DOK4: variants seen among roughly 807,000 people sequenced by gnomAD.
DOK4 encodes downstream of tyrosine kinase 4.
Under a neutral mutation model 40.1 loss-of-function variants are expected in DOK4, and 26 were observed. The observed-to-expected ratio is 0.65, with a 90% CI of 0.48 to 0.90. The LOEUF is 0.90. DOK4 is among the 40% of genes least tolerant of loss of function. The pLI is 0.00. For synonymous variants in DOK4, 179 were observed against 177.0 expected (o/e 1.01, Z -0.09); for missense variants, 392 against 437.2 (o/e 0.90, Z 0.92).
At chr16:57,483,219 G>T (rs536139804) in intron 1 of DOK4, among the ~76,000 whole-genome samples, 2 of 152,344 alleles carry the variant, frequency 1.3e-5, no homozygotes, top group South Asian at 2.1e-4. Flanking sequence ...AGGCAGTGGG[G>T]TCAAGTGGTG....
chr16:57,476,702 G>C (rs1262716648), intron 2 of DOK4, among the ~76,000 whole-genome samples: 27 of 152,336 alleles, frequency 1.8e-4, no homozygotes, highest in Non-Finnish European at 2.9e-4. Flanking sequence ...TTGAGGTAAA[G>C]GGGTGGAGCT....
At chr16:57,476,243 G>C in intron 2 of DOK4, 1 of 430,398 alleles carries the variant, frequency 2.3e-6, no homozygotes, top group Non-Finnish European at 4.3e-6. Context: ...GCTGAGTTTA[G>C]TGTGAGTAGC....
rs576366979 is a variant in DOK4, at chr16:57,473,895, C to A, written c.738+6G>T. The A allele has an allele frequency of 4.2e-5, 57 of 1,370,578 alleles. 1 individual carries two copies. In the South Asian group the frequency reaches 5.1e-4, roughly 12 times the overall value. The allele number at this position is 1,370,578 out of a possible 1,614,324, so 84.9% of individuals were successfully genotyped here. On this transcript the variant is annotated splice_donor_region_variant and intron_variant, in intron 7 of 8. Transcript: ENST00000340099. Reference sequence around the variant, plus strand: ...CCGTACCCTGGACTGATGCCCGCTGCCTCACCCTCACGTTCTTCTCCATTT... The same window carrying A: ...CCGTACCCTGGACTGATGCCCGCTGACTCACCCTCACGTTCTTCTCCATTT...
intron 6 of DOK4, among the ~76,000 whole-genome samples, chr16:57,474,444 T>TA (rs148579026): frequency 0.15 from 22,779 of 152,224 alleles, 2,231 homozygotes; most frequent in South Asian, 0.2. Flanking sequence ...AGTGAGGGGA[T>TA]ACCCAGTCTT....
intron 1 of DOK4, among the ~76,000 whole-genome samples, chr16:57,483,320 C>T (rs111355249): frequency 2.0e-5 from 3 of 152,224 alleles, no homozygotes; most frequent in African/African-American, 7.2e-5. Flanking sequence ...CCTGTGAAGG[C>T]CCAATAGGAC....
In DOK4 at chr16:57,485,538, G is replaced by A. The variant is rs922184943; in HGVS notation, c.-182+767C>T. Among the ~76,000 whole-genome samples, 9 of 152,164 alleles carry A rather than the reference G, an allele frequency of 5.9e-5. No individual in the cohort carries two copies. Among genetic ancestry groups the A allele is most frequent in the Non-Finnish European group, 1.3e-4 (9 of 68,032 alleles). ...TAGAGATACTGCCAGGCCCCTCGCT[G>A]CCCTGGCCATCAGACCCCTCCAACC... On this transcript the variant is annotated intron_variant, in intron 1 of 8. Transcript: ENST00000340099. The surrounding 1 kb of genome is among the most constrained non-coding windows in gnomAD (Gnocchi z 4.3).
At chr16:57,474,759 A>G in intron 6 of DOK4, 34 bp downstream of exon 6, 1 of 1,606,438 alleles carries the variant, frequency 6.2e-7, no homozygotes, top group East Asian at 2.2e-5. Flanking sequence ...ATCACACCAT[A>G]GTAGGACAGG....
At chr16:57,474,918 C>A (rs756980110) in exon 6 of DOK4, 1 of 1,614,068 alleles carries the variant, frequency 6.2e-7, no homozygotes, top group Non-Finnish European at 8.5e-7. Context: ...CGTGGGTGAT[C>A]TGCAGCTTGC....
chr16:57,477,007 T>C (rs1375307953), intron 2 of DOK4, among the ~76,000 whole-genome samples: 1 of 152,204 alleles, frequency 6.6e-6, no homozygotes, highest in Non-Finnish European at 1.5e-5. Context: ...TACCTACTCC[T>C]TCCAGCGGGC....
At chr16:57,476,502 G>A (rs74019522) in intron 2 of DOK4, among the ~76,000 whole-genome samples, 2,987 of 152,242 alleles carry the variant, frequency 0.02, 108 homozygotes, top group African/African-American at 0.069. Context: ...GTCTCCTGGG[G>A]ATAGGGATTA....
rs2031519987 is a variant in DOK4 at position 57,485,617 on chromosome 16, T to C, written c.-182+688A>G. On this transcript the variant is annotated intron_variant, in intron 1 of 8. Transcript: ENST00000340099. The surrounding 1 kb of genome is among the most constrained non-coding windows in gnomAD (Gnocchi z 4.3). The stretch of plus-strand genomic sequence containing the variant: ...CAGCAACTGACGTGTCCCCATGGCT[T>C]GGGGCAGGCAGGCTGCACAGAGCCC... Among the ~76,000 whole-genome samples, 3 of 152,182 alleles carry C rather than the reference T, an allele frequency of 2.0e-5. No individual in the cohort carries two copies. The highest frequency in any genetic ancestry group is 7.2e-5 in the African/African-American group (3 of 41,456).
chr16:57,473,996 C>T lies in DOK4; in HGVS notation c.643G>A (p.Glu215Lys), dbSNP rs747777852. The stretch of plus-strand genomic sequence containing the variant: ...ACGCGCTGGTAAATCTGCTCCCCCT[C>T]TTGTGTCTGGAAGGTATAGAGTCCT... The change falls in exon 7 of 9, where the codon GAG (glutamate) becomes AAG (lysine). Residue 215 changes from glutamate (E) to lysine (K), a missense_variant. By Grantham distance (56) the Glu-to-Lys change is moderately conservative. Coordinates refer to ENST00000340099, the Ensembl canonical transcript of DOK4. 5 of 1,614,170 alleles carry T rather than the reference C, an allele frequency of 3.1e-6. No individual in the cohort carries two copies. In the Admixed American group the frequency reaches 6.7e-5, roughly 22 times the overall value.
rs995051881 is a variant in DOK4, at chr16:57,479,292, C to T, written c.66+150G>A. 31 of 839,962 alleles carry T rather than the reference C, an allele frequency of 3.7e-5. 1 individual carries two copies. The highest frequency in any genetic ancestry group is 2.1e-4 in the South Asian group (12 of 58,366). The allele number at this position is 839,962 out of a possible 1,614,324, so 52.0% of individuals were successfully genotyped here. On this transcript the variant is annotated intron_variant, in intron 2 of 8. Coordinates refer to ENST00000340099, the Ensembl canonical transcript of DOK4. This position sits in a 1 kb window ranked among gnomAD's most constrained non-coding sequence, Gnocchi z 5.8. ...CAGCCCAGGCACATGCCAGGCAGCA[C>T]GCTGGCGAGGAGCCCCGAGACCACA...
exon 9 of DOK4, chr16:57,472,246 G>A (rs1276400184): frequency 2.0e-5 from 3 of 152,378 alleles, no homozygotes; most frequent in African/African-American, 7.3e-5. Context: ...TTACAAGAAG[G>A]TCTGTTCCCA....
At chr16:57,474,882 G>T in exon 6 of DOK4, 1 of 1,614,190 alleles carries the variant, frequency 6.2e-7, no homozygotes, top group African/African-American at 1.3e-5. Context: ...CACGGGGGTT[G>T]TGGATGTCCC....
At chr16:57,474,086 C>G in intron 6 of DOK4, 47 bp from the exon 7 acceptor site, 1 of 1,608,320 alleles carries the variant, frequency 6.2e-7, no homozygotes, top group Middle Eastern at 1.7e-4. Context: ...CCACCACAGA[C>G]ATGCATGTGA....
exon 9 of DOK4, chr16:57,473,016 A>G (rs1157578219): frequency 4.4e-6 from 1 of 229,394 alleles, no homozygotes; most frequent in Non-Finnish European, 8.7e-6. Flanking sequence ...GACTGCACTC[A>G]TACTCAAAAA....
intron 3 of DOK4, 111 bp downstream of exon 3, chr16:57,475,739 T>TCCCTCTCTCCCCCTTTCTC: frequency 7.5e-6 from 4 of 533,468 alleles, no homozygotes; most frequent in Non-Finnish European, 9.2e-6. Flanking sequence ...TCTCCTCCTC[T>TCCCTCTCTCCCCCTTTCTC]CCCTCTCTCC....
At chr16:57,477,428 C>G (rs2031229117) in intron 2 of DOK4, among the ~76,000 whole-genome samples, 1 of 152,358 alleles carries the variant, frequency 6.6e-6, no homozygotes, top group Non-Finnish European at 1.5e-5. Context: ...ATCCTGGTAG[C>G]CTCATTAACA....
Sources: allele counts gnomAD v4.1 joint callset (sites outside exome capture counted in the v4.1 genomes callset), GRCh38; gene constraint gnomAD v4.1.1; non-coding constraint Gnocchi (gnomAD v3.1); transcripts MANE v1.5; gene names NCBI Gene and HGNC (gene_info 2026-07-23, HGNC 2026-07-21).